Variants in NKAIN3 observed in about 807,000 individuals in gnomAD.
NKAIN3 encodes the protein sodium/potassium-transporting ATPase subunit beta-1-interacting protein 3.
Under a neutral mutation model 30.2 loss-of-function variants are expected in NKAIN3, and 25 were observed. The observed-to-expected ratio is 0.83, with a 90% CI of 0.60 to 1.16. The LOEUF is 1.16. Among genes scored for constraint, NKAIN3 ranks in the 50% most tolerant of loss-of-function variants. The probability of loss-of-function intolerance (pLI) is 0.00; values close to 1 mark genes in which losing one functional copy is unlikely to be tolerated. For synonymous variants in NKAIN3, 91 were observed against 89.6 expected, an observed-to-expected ratio of 1.02 and a Z score of -0.09; for missense variants, 225 against 254.1, an observed-to-expected ratio of 0.89 and a Z score of 0.78.
At chr8:62,950,046 A>C (rs927218041) in intron 5 of NKAIN3, among the ~76,000 whole-genome samples, 4 of 152,282 alleles carry the variant, frequency 2.6e-5, no homozygotes, top group Middle Eastern at 3.4e-3. Context: ...TATCTTTCTC[A>C]AAAAAGTGAA....
intron 5 of NKAIN3, among the ~76,000 whole-genome samples, chr8:62,947,910 C>A (rs911021012): frequency 3.9e-5 from 6 of 152,200 alleles, no homozygotes; most frequent in African/African-American, 1.4e-4. Context: ...CAAAAATAAA[C>A]CTTTCCTGCT....
intron 3 of NKAIN3, among the ~76,000 whole-genome samples, chr8:62,675,318 C>T (rs1216178909): frequency 6.6e-6 from 1 of 152,142 alleles, no homozygotes; most frequent in African/African-American, 2.4e-5. Context: ...ATGATCTATA[C>T]ACCCATATTT....
chr8:62,326,545 AATT>A (rs1365131611), intron 1 of NKAIN3, among the ~76,000 whole-genome samples: 1 of 151,680 alleles, frequency 6.6e-6, no homozygotes, highest in Non-Finnish European at 1.5e-5. Flanking sequence ...CTCACTATTA[AATT>A]ATTATTTAAT....
intron 1 of NKAIN3, among the ~76,000 whole-genome samples, chr8:62,293,480 G>A (rs1260331392): frequency 6.6e-6 from 1 of 152,196 alleles, no homozygotes; most frequent in African/African-American, 2.4e-5. Context: ...CTGCAGGTCT[G>A]TTGGAGTTTG....
intron 4 of NKAIN3, among the ~76,000 whole-genome samples, chr8:62,861,962 G>A (rs552039190): frequency 1.3e-5 from 2 of 152,312 alleles, no homozygotes; most frequent in African/African-American, 4.8e-5. Flanking sequence ...CCAGAATCAT[G>A]AAAAGTTATA....
intron 1 of NKAIN3, among the ~76,000 whole-genome samples, chr8:62,454,323 A>AAAAAAAAAAAAAAAAAAAAAAAT (rs1360909972): frequency 2.8e-5 from 4 of 145,098 alleles, no homozygotes; most frequent in Admixed American, 7.0e-5. Flanking sequence ...AAAAAAAAAA[A>AAAAAAAAAAAAAAAAAAAAAAAT]TCTGAAAATC....
In NKAIN3 at chr8:62,824,423, G is replaced by C. The variant is rs528027165; in HGVS notation, c.471+77294G>C. Among the ~76,000 whole-genome samples the C allele has an allele frequency of 1.9e-3, 285 of 151,706 alleles. 2 individuals carry two copies. The highest frequency in any genetic ancestry group is 6.7e-3 in the African/African-American group (276 of 41,330). ...CCTACTGGATGCCAGACATCTGCTG[G>C]GTCTTGGCAACATAAATTTGAATAT... On this transcript the variant is annotated intron_variant, in intron 4 of 6. Transcript: ENST00000623646.
intron 1 of NKAIN3, among the ~76,000 whole-genome samples, chr8:62,540,239 T>G (rs1396006868): frequency 6.6e-6 from 1 of 152,220 alleles, no homozygotes; most frequent in Non-Finnish European, 1.5e-5. Context: ...CTTTAGCTGC[T>G]TTCTCTTTTT....
chr8:62,716,102 G>A (rs909257031), intron 3 of NKAIN3, among the ~76,000 whole-genome samples: 19 of 152,226 alleles, frequency 1.2e-4, no homozygotes, highest in South Asian at 6.2e-4. Flanking sequence ...GACTGAATGA[G>A]TGTAGATCCT....
At chr8:62,796,383 CAAAAAAAAAA>C (rs71255362) in intron 4 of NKAIN3, among the ~76,000 whole-genome samples, 2 of 53,744 alleles carry the variant, frequency 3.7e-5, no homozygotes, top group African/African-American at 8.5e-5. Flanking sequence ...GACTCTGTCT[CAAAAAAAAAA>C]AAAAAAAAAA....
chr8:62,695,673 T>C (rs1010504729), intron 3 of NKAIN3, among the ~76,000 whole-genome samples: 30 of 152,212 alleles, frequency 2.0e-4, no homozygotes, highest in African/African-American at 7.0e-4. Flanking sequence ...GTTTTGGGAA[T>C]AATAAACATG....
intron 4 of NKAIN3, among the ~76,000 whole-genome samples, chr8:62,769,094 T>C (rs1352132987): frequency 6.6e-6 from 1 of 152,206 alleles, no homozygotes; most frequent in African/African-American, 2.4e-5. Context: ...TCATTTCCTG[T>C]CATTTCAGCT....
chr8:62,848,700 C>A (rs562282108), intron 4 of NKAIN3, among the ~76,000 whole-genome samples: 6 of 152,128 alleles, frequency 3.9e-5, no homozygotes, highest in Non-Finnish European at 5.9e-5. Flanking sequence ...ACTTCCAATA[C>A]TATGTTGAAT....
At chr8:62,894,099 T>G (rs138576010) in intron 4 of NKAIN3, among the ~76,000 whole-genome samples, 1 of 152,202 alleles carries the variant, frequency 6.6e-6, no homozygotes, top group Admixed American at 6.5e-5. Context: ...TCACTTATTA[T>G]CAATCATAAA....
chr8:62,790,048 A>G (rs1220567184), intron 4 of NKAIN3, among the ~76,000 whole-genome samples: 2 of 152,206 alleles, frequency 1.3e-5, no homozygotes, highest in African/African-American at 4.8e-5. Flanking sequence ...ATGAACATTG[A>G]TGCAAAAATC....
chr8:62,754,809 G>A (rs1816397460), intron 4 of NKAIN3, among the ~76,000 whole-genome samples: 1 of 152,130 alleles, frequency 6.6e-6, no homozygotes, highest in Non-Finnish European at 1.5e-5. Flanking sequence ...TCCAAAGGCT[G>A]TATAGCTATC....
At chr8:62,536,106 G>T (rs1808652098) in intron 1 of NKAIN3, among the ~76,000 whole-genome samples, 1 of 152,134 alleles carries the variant, frequency 6.6e-6, no homozygotes, top group Non-Finnish European at 1.5e-5. Flanking sequence ...CTTAGGACAT[G>T]TATAGACATG....
intron 1 of NKAIN3, among the ~76,000 whole-genome samples, chr8:62,324,746 G>T (rs1224668529): frequency 1.3e-5 from 2 of 152,116 alleles, no homozygotes; most frequent in Non-Finnish European, 2.9e-5. Context: ...AGTAAGAGCA[G>T]TGGGATCTTT....
intron 5 of NKAIN3, among the ~76,000 whole-genome samples, chr8:62,996,958 C>G (rs763613210): frequency 2.0e-5 from 3 of 152,076 alleles, no homozygotes; most frequent in African/African-American, 7.2e-5. Flanking sequence ...TCCAGGCACA[C>G]GGTGCAAGCT....
Sources: allele counts gnomAD v4.1 joint callset (sites outside exome capture counted in the v4.1 genomes callset), GRCh38; gene constraint gnomAD v4.1.1; transcripts MANE v1.5; gene names NCBI Gene and HGNC (gene_info 2026-07-23, HGNC 2026-07-21).